Variants in CCDC60 observed in about 807,000 individuals in gnomAD.
CCDC60 encodes the protein coiled-coil domain containing 60, also known as coiled-coil domain-containing protein 60.
A neutral mutation model predicts 63.5 loss-of-function variants in CCDC60; 54 were observed. That is an observed-to-expected ratio of 0.85 (90% CI 0.68 to 1.07). The LOEUF is 1.07. Ranked by LOEUF, CCDC60 falls within the 50% of genes least tolerant of loss-of-function variation. The pLI is 0.00. For synonymous variants in CCDC60, 206 were observed against 238.8 expected, an observed-to-expected ratio of 0.86 and a Z score of 1.27; for missense variants, 651 against 684.3, an observed-to-expected ratio of 0.95 and a Z score of 0.54.
At chr12:119,503,554 G>C (rs371649031) in intron 6 of CCDC60, among the ~76,000 whole-genome samples, 1 of 152,116 alleles carries the variant, frequency 6.6e-6, no homozygotes, top group African/African-American at 2.4e-5. Context: ...GCATTCTGTC[G>C]TTTGTACAGA....
chr12:119,470,695 T>G (rs1340345062), intron 2 of CCDC60, among the ~76,000 whole-genome samples: 1 of 152,142 alleles, frequency 6.6e-6, no homozygotes, highest in Non-Finnish European at 1.5e-5. Flanking sequence ...AGAGGCCACC[T>G]TCAAACAGGG....
intron 8 of CCDC60, 74 bp downstream of exon 8, chr12:119,516,781 C>A: frequency 1.0e-6 from 1 of 987,036 alleles, no homozygotes; most frequent in Non-Finnish European, 1.6e-6. Context: ...TAGTTGCCAA[C>A]TGTTGAGCAT....
intron 1 of CCDC60, among the ~76,000 whole-genome samples, chr12:119,349,977 C>A (rs1164498742): frequency 6.6e-6 from 1 of 152,068 alleles, no homozygotes; most frequent in Non-Finnish European, 1.5e-5. Context: ...CTTTAAGTCA[C>A]AAAACACAGC....
chr12:119,499,998 A>G, intron 5 of CCDC60, 80 bp from the exon 6 acceptor site: 4 of 985,240 alleles, frequency 4.1e-6, no homozygotes, highest in Non-Finnish European at 6.6e-6. Context: ...TTCCTCCTCT[A>G]TTTATTGCAT....
At chr12:119,482,009 A>ATATATAG (rs1951332499) in intron 4 of CCDC60, among the ~76,000 whole-genome samples, 20 of 40,648 alleles carry the variant, frequency 4.9e-4, no homozygotes, top group South Asian at 1.6e-3. Context: ...TATATATAGT[A>ATATATAG]TATATATATG....
chr12:119,342,133 C>T (rs899573301), intron 1 of CCDC60, among the ~76,000 whole-genome samples: 2 of 152,198 alleles, frequency 1.3e-5, no homozygotes, highest in African/African-American at 2.4e-5. Context: ...AGCTCACTAG[C>T]ATCAGGCTGG....
At chr12:119,352,472 G>C (rs1955666086) in intron 1 of CCDC60, among the ~76,000 whole-genome samples, 1 of 152,196 alleles carries the variant, frequency 6.6e-6, no homozygotes. Context: ...GAAAACAAAG[G>C]CTCAGAATTT....
intron 5 of CCDC60, among the ~76,000 whole-genome samples, chr12:119,498,106 G>C (rs763829062): frequency 2.0e-5 from 3 of 152,160 alleles, no homozygotes; most frequent in African/African-American, 4.8e-5. Flanking sequence ...CTGGTGAAGA[G>C]AGGACACCCC....
chr12:119,389,612 CA>C (rs1956121384), intron 1 of CCDC60, among the ~76,000 whole-genome samples: 1 of 152,064 alleles, frequency 6.6e-6, no homozygotes, highest in Non-Finnish European at 1.5e-5. Flanking sequence ...CTTGTGCTCA[CA>C]AAGCTGTAAC....
chr12:119,502,693 C>T (rs1951885405), intron 6 of CCDC60, among the ~76,000 whole-genome samples: 1 of 152,058 alleles, frequency 6.6e-6, no homozygotes, highest in African/African-American at 2.4e-5. Context: ...GGAAGACACC[C>T]CTGGATATGG....
chr12:119,489,603 T>C (rs1177269218), intron 5 of CCDC60, among the ~76,000 whole-genome samples: 1 of 152,190 alleles, frequency 6.6e-6, no homozygotes, highest in Non-Finnish European at 1.5e-5. Flanking sequence ...TGTAAAGGCA[T>C]TGGTTCTTTA....
At chr12:119,363,210 T>C (rs1458363531) in intron 1 of CCDC60, among the ~76,000 whole-genome samples, 2 of 152,234 alleles carry the variant, frequency 1.3e-5, no homozygotes. Context: ...GTCTTTCTTA[T>C]TTTAGCCTCT....
At chr12:119,405,078 G>A (rs762695680) in intron 1 of CCDC60, among the ~76,000 whole-genome samples, 35 of 152,230 alleles carry the variant, frequency 2.3e-4, no homozygotes, top group African/African-American at 5.5e-4. Flanking sequence ...AGGCTTTCAC[G>A]TTTGAAAATA....
At chr12:119,533,036 A>G (rs1485295083) in intron 13 of CCDC60, among the ~76,000 whole-genome samples, 4 of 152,210 alleles carry the variant, frequency 2.6e-5, no homozygotes, top group Non-Finnish European at 4.4e-5. Flanking sequence ...TCCCATCAAT[A>G]GTGTAAAAGC....
rs750825040 is a variant in CCDC60, at chr12:119,523,725, A to G, written c.1136A>G (p.Lys379Arg). The G allele has an allele frequency of 1.9e-6, 3 of 1,614,100 alleles. No individual in the cohort carries two copies. The highest frequency in any genetic ancestry group is 3.3e-5 in the Admixed American group (2 of 60,034). ...RTNCDINIHY[K>R]SGVCNTMRAK... ...AATTGTGACATCAACATCCACTACAAGAGTGGGGTGTGTAACACCATGAGG... is the reference window on the plus strand; with the variant it reads ...AATTGTGACATCAACATCCACTACAGGAGTGGGGTGTGTAACACCATGAGG... The change falls in exon 11 of 14, where the codon AAG (lysine) becomes AGG (arginine). Residue 379 changes from lysine (K) to arginine (R), a missense_variant. Physicochemically the swap from Lys to Arg is conservative, Grantham distance 26 (BLOSUM62 2). Transcript: ENST00000327554.
chr12:119,359,210 TG>T (rs1340363782), intron 1 of CCDC60, among the ~76,000 whole-genome samples: 23 of 152,340 alleles, frequency 1.5e-4, no homozygotes, highest in African/African-American at 5.1e-4. Context: ...AGGTTGAGCA[TG>T]TTTTTTTAGG....
intron 2 of CCDC60, among the ~76,000 whole-genome samples, chr12:119,466,097 A>C (rs1001656413): frequency 6.6e-6 from 1 of 152,200 alleles, no homozygotes; most frequent in African/African-American, 2.4e-5. Context: ...AAGTATCTGC[A>C]TGGTTTACTC....
At chr12:119,497,415 C>T (rs77991801) in intron 5 of CCDC60, among the ~76,000 whole-genome samples, 5 of 152,316 alleles carry the variant, frequency 3.3e-5, no homozygotes, top group Non-Finnish European at 5.9e-5. Flanking sequence ...GCTAACCAGG[C>T]CTTTTCTTTA....
At chr12:119,405,961 C>G (rs1365640518) in intron 1 of CCDC60, among the ~76,000 whole-genome samples, 1 of 152,138 alleles carries the variant, frequency 6.6e-6, no homozygotes, top group Non-Finnish European at 1.5e-5. Flanking sequence ...CCCCAGAGAT[C>G]AGGAGTTCGA....
Sources: allele counts gnomAD v4.1 joint callset (sites outside exome capture counted in the v4.1 genomes callset), GRCh38; gene constraint gnomAD v4.1.1; transcripts MANE v1.5; gene names NCBI Gene and HGNC (gene_info 2026-07-23, HGNC 2026-07-21).